GAS7: variants seen among roughly 807,000 people sequenced by gnomAD.
GAS7 encodes growth arrest-specific protein 7.
A neutral mutation model predicts 71.1 loss-of-function variants in GAS7; 28 were observed. The observed-to-expected ratio is 0.39, with a 90% CI of 0.29 to 0.54. The LOEUF (loss-of-function observed/expected upper bound fraction) is 0.54, where lower values mean the gene tolerates loss of function less well. Ranked by LOEUF, GAS7 falls within the 20% of genes least tolerant of loss-of-function variation. The probability of loss-of-function intolerance (pLI) is 0.62; values close to 1 mark genes in which losing one functional copy is unlikely to be tolerated. For synonymous variants in GAS7, 258 were observed against 245.8 expected, an observed-to-expected ratio of 1.05 and a Z score of -0.46; for missense variants, 436 against 627.8, an observed-to-expected ratio of 0.69 and a Z score of 3.27.
chr17:10,194,663 T>C (rs1270177487), intron 1 of GAS7, among the ~76,000 whole-genome samples: 1 of 152,092 alleles, frequency 6.6e-6, no homozygotes, highest in African/African-American at 2.4e-5. Context: ...CTCTACCATA[T>C]CTCTCAAATG....
At chr17:10,027,256 A>G (rs113550129) in intron 1 of GAS7, among the ~76,000 whole-genome samples, 12 of 151,828 alleles carry the variant, frequency 7.9e-5, no homozygotes, top group Admixed American at 1.3e-4. Flanking sequence ...GAATGAATGA[A>G]TGAGTGAATG....
intron 1 of GAS7, among the ~76,000 whole-genome samples, chr17:10,085,714 G>A (rs1254411669): frequency 1.2e-3 from 136 of 112,436 alleles, no homozygotes; most frequent in South Asian, 1.6e-3. Context: ...AAAAAAGAAA[G>A]AAAGAAAGAA....
intron 1 of GAS7, among the ~76,000 whole-genome samples, chr17:10,197,924 C>A (rs2074552489): frequency 6.6e-6 from 1 of 152,216 alleles, no homozygotes; most frequent in Non-Finnish European, 1.5e-5. Flanking sequence ...CCTTAACTCA[C>A]ACAGGCAACA....
Position 10,136,463 on chromosome 17 carries a change from C to T in GAS7, c.183+61745G>A, listed in dbSNP as rs368616829. Among the ~76,000 whole-genome samples, 15 of 152,310 alleles carry T rather than the reference C, an allele frequency of 9.8e-5. 2 individuals are homozygous for T. The highest frequency in any genetic ancestry group is 3.6e-4 in the African/African-American group (15 of 41,560). On this transcript the variant is annotated intron_variant, in intron 1 of 13. Transcript: ENST00000432992. ...GCCAGATTTTCCAGACTGGGGAAGG[C>T]AGCGCGGCTGATGCATTTTCTTCTC...
rs75309375 is a variant in GAS7, at chr17:10,045,255, G to C, written c.184-25358C>G. ...CCATTAAAGAAGAGAACAAGAAAGAGGACAGGCCATAGACTGTGGCTGGCT... is the reference window on the plus strand; with the variant it reads ...CCATTAAAGAAGAGAACAAGAAAGACGACAGGCCATAGACTGTGGCTGGCT... On this transcript the variant is annotated intron_variant, in intron 1 of 13. Coordinates refer to ENST00000432992, the MANE Select transcript of GAS7 (RefSeq NM_201433.2). Among the ~76,000 whole-genome samples, 799 of 152,288 alleles carry C rather than the reference G, an allele frequency of 5.2e-3. 22 individuals are homozygous for C. In the East Asian group the frequency reaches 0.098, roughly 19 times the overall value.
intron 1 of GAS7, among the ~76,000 whole-genome samples, chr17:10,191,895 G>A (rs1024847552): frequency 7.4e-5 from 11 of 148,872 alleles, no homozygotes; most frequent in Non-Finnish European, 1.3e-4. Context: ...AAAAAAAAGA[G>A]GAGAGAGATG....
At chr17:9,980,459 T>C (rs1026210430) in intron 3 of GAS7, among the ~76,000 whole-genome samples, 6 of 152,218 alleles carry the variant, frequency 3.9e-5, no homozygotes, top group Non-Finnish European at 7.3e-5. Context: ...TACTTTTTCT[T>C]CTGAAAACTT....
chr17:9,951,004 C>T (rs561375431), intron 5 of GAS7, among the ~76,000 whole-genome samples: 2 of 152,304 alleles, frequency 1.3e-5, no homozygotes, highest in Non-Finnish European at 2.9e-5. Flanking sequence ...AGGGCCAGTT[C>T]TTGAGGCCAG....
intron 7 of GAS7, among the ~76,000 whole-genome samples, chr17:9,941,395 G>A (rs372162911): frequency 1.3e-5 from 2 of 152,268 alleles, no homozygotes; most frequent in Admixed American, 6.5e-5. Context: ...AGGTGCATAC[G>A]CTGTCTGCCT....
chr17:10,160,592 A>T (rs2074245862), intron 1 of GAS7, among the ~76,000 whole-genome samples: 1 of 152,160 alleles, frequency 6.6e-6, no homozygotes, highest in Non-Finnish European at 1.5e-5. Flanking sequence ...AAACCTCTGT[A>T]ATCTCACCAT....
chr17:9,921,290 G>A (rs1041472817), intron 11 of GAS7, among the ~76,000 whole-genome samples: 2 of 151,466 alleles, frequency 1.3e-5, no homozygotes, highest in Non-Finnish European at 2.9e-5. Context: ...CCGAGTAGCT[G>A]GTACCACAGG....
intron 1 of GAS7, among the ~76,000 whole-genome samples, chr17:10,181,684 T>TA (rs778099287): frequency 2.6e-5 from 4 of 152,182 alleles, no homozygotes; most frequent in Non-Finnish European, 4.4e-5. Flanking sequence ...TGAAAAATGT[T>TA]AAACAGCAGA....
At chr17:10,035,508 C>T (rs1597732396) in intron 1 of GAS7, among the ~76,000 whole-genome samples, 1 of 152,178 alleles carries the variant, frequency 6.6e-6, no homozygotes, top group Non-Finnish European at 1.5e-5. Context: ...CACCATCTCC[C>T]TTCCCCTGGC....
At chr17:10,084,356 G>A (rs191368381) in intron 1 of GAS7, among the ~76,000 whole-genome samples, 9 of 152,290 alleles carry the variant, frequency 5.9e-5, no homozygotes, top group Admixed American at 2.6e-4. Context: ...CAAAGGGTCC[G>A]TTGAGATCAG....
rs977926590 is a variant in GAS7, at chr17:10,145,044, A to C, written c.183+53164T>G. 9.2e-5 allele frequency among the ~76,000 whole-genome samples: 14 copies of C among 152,354 alleles called. 2 individuals carry two copies. The highest frequency in any genetic ancestry group is 6.5e-4 in the Admixed American group (10 of 15,306). Reference sequence around the variant, plus strand: ...ATGACAGAAGGAGTTAGTAGGTTCCAAACGGTGGCTGGGCCATGGTGCAGG... The same window carrying C: ...ATGACAGAAGGAGTTAGTAGGTTCCCAACGGTGGCTGGGCCATGGTGCAGG... On this transcript the variant is annotated intron_variant, in intron 1 of 13. Transcript: ENST00000432992.
At chr17:10,091,247 TG>T (rs1469341139) in intron 1 of GAS7, among the ~76,000 whole-genome samples, 7 of 152,110 alleles carry the variant, frequency 4.6e-5, no homozygotes, top group Admixed American at 4.6e-4. Context: ...GCTGAGTGGC[TG>T]GGGACTGACT....
At chr17:10,083,988 G>A (rs1038056660) in intron 1 of GAS7, among the ~76,000 whole-genome samples, 10 of 152,204 alleles carry the variant, frequency 6.6e-5, no homozygotes, top group African/African-American at 2.2e-4. Flanking sequence ...AGCTGTCTTC[G>A]GCCTGGAGGT....
chr17:10,044,865 TA>T (rs1398748704), intron 1 of GAS7, among the ~76,000 whole-genome samples: 1 of 151,778 alleles, frequency 6.6e-6, no homozygotes, highest in Non-Finnish European at 1.5e-5. Context: ...CCATCCTGGC[TA>T]ACATGGTGAA....
chr17:10,045,393 C>T (rs1398632192), intron 1 of GAS7, among the ~76,000 whole-genome samples: 4 of 152,062 alleles, frequency 2.6e-5, no homozygotes, highest in Non-Finnish European at 5.9e-5. Context: ...TGTGTCCCAC[C>T]CCATAAAAGA....
Sources: gnomAD v4.1 joint callset for allele counts (sites outside exome capture counted in the v4.1 genomes callset) on GRCh38, gnomAD v4.1.1 for gene constraint, MANE v1.5 for transcripts, NCBI Gene and HGNC (gene_info 2026-07-23, HGNC 2026-07-21) for gene names.